ABL2: variants seen among roughly 807,000 people sequenced by gnomAD.
The protein encoded by ABL2 is tyrosine-protein kinase ABL2.
ABL2 carries 49 observed loss-of-function variants against 107.7 expected under a neutral mutation model. The ratio of observed to expected loss-of-function variants is 0.45; its 90% CI spans 0.36 to 0.58. The LOEUF is 0.58. Ranked by LOEUF, ABL2 falls within the 20% of genes least tolerant of loss-of-function variation. The probability of loss-of-function intolerance (pLI) is 0.00; values close to 1 mark genes in which losing one functional copy is unlikely to be tolerated. For synonymous variants in ABL2, 549 were observed against 548.6 expected (o/e 1.00, Z -0.01); for missense variants, 1,245 against 1,457.0 (o/e 0.85, Z 2.37).
chr1:179,201,795 G>T, intron 1 of ABL2: 1 of 953,536 alleles, frequency 1.0e-6, no homozygotes, highest in South Asian at 1.4e-5. Context: ...CGGTTGAGGT[G>T]GACAGTTTGG....
chr1:179,112,737 G>A (rs1654210409), intron 9 of ABL2, among the ~76,000 whole-genome samples: 1 of 150,856 alleles, frequency 6.6e-6, no homozygotes, highest in Non-Finnish European at 1.5e-5. Flanking sequence ...CTATGGGTGT[G>A]CAACACCACG....
In ABL2 at chr1:179,118,680, T is replaced by A; in HGVS notation, c.1130A>T (p.Asn377Ile). ...CACAACTGCAGTCACCTCTTCTCGG[T>A]TGCATTCTCGGAGGTAATCCAGCAA... ...GNLLDYLREC[N>I]REEVTAVVLL... Residue 377 changes from asparagine to isoleucine, a missense_variant, in exon 7 of 12, where the codon AAC becomes ATC. Physicochemically the swap from Asn to Ile is moderately radical, Grantham distance 149. Around this residue, in one of 3 missense-constraint regions of ABL2, gnomAD observed 320 missense variants for 547.0 expected, o/e 0.59. Coordinates refer to ENST00000502732, the MANE Select transcript of ABL2 (RefSeq NM_007314.4). The A allele has an allele frequency of 3.1e-6, 5 of 1,614,108 alleles. No homozygotes were observed. The highest frequency in any genetic ancestry group is 4.2e-6 in the Non-Finnish European group (5 of 1,180,032).
At chr1:179,168,190 T>C (rs1659505081) in intron 1 of ABL2, among the ~76,000 whole-genome samples, 1 of 152,216 alleles carries the variant, frequency 6.6e-6, no homozygotes, top group Non-Finnish European at 1.5e-5. Flanking sequence ...GACATTACAG[T>C]TGTCCCACGG....
chr1:179,168,638 A>C (rs1659533087), intron 1 of ABL2, among the ~76,000 whole-genome samples: 1 of 152,210 alleles, frequency 6.6e-6, no homozygotes, highest in Non-Finnish European at 1.5e-5. Flanking sequence ...TTTTGTGTAC[A>C]GTTCTATGAA....
At chr1:179,140,065 CA>C (rs1450060146) in intron 1 of ABL2, among the ~76,000 whole-genome samples, 1 of 152,164 alleles carries the variant, frequency 6.6e-6, no homozygotes, top group African/African-American at 2.4e-5. Flanking sequence ...AGCCATCTTT[CA>C]GAGCATAAGT....
chr1:179,118,273 A>G (rs1038910625), intron 7 of ABL2, among the ~76,000 whole-genome samples: 2 of 152,110 alleles, frequency 1.3e-5, no homozygotes, highest in African/African-American at 2.4e-5. Flanking sequence ...AGCACTTTGG[A>G]AGGCTAAGAT....
At chr1:179,170,887 G>A (rs188908053) in intron 1 of ABL2, among the ~76,000 whole-genome samples, 87 of 151,974 alleles carry the variant, frequency 5.7e-4, no homozygotes, top group Non-Finnish European at 7.9e-4. Flanking sequence ...GAGCCACTGC[G>A]CTCAGCCTAA....
At chr1:179,183,644 C>G (rs1364472309) in intron 1 of ABL2, 1 of 152,046 alleles carries the variant, frequency 6.6e-6, no homozygotes, top group Non-Finnish European at 1.5e-5. Flanking sequence ...GAGCACTAAA[C>G]CAGAAGCCAG....
At chr1:179,204,939 C>T (rs1661870212) in intron 1 of ABL2, among the ~76,000 whole-genome samples, 1 of 151,912 alleles carries the variant, frequency 6.6e-6, no homozygotes, top group Admixed American at 6.6e-5. Context: ...AGTAGTGTCT[C>T]CAACGAAGGG....
At chr1:179,227,780 C>A in intron 1 of ABL2, among the ~76,000 whole-genome samples, 2 of 152,156 alleles carry the variant, frequency 1.3e-5, no homozygotes, top group East Asian at 3.9e-4. Flanking sequence ...TGGCCAGGCG[C>A]AGTGCCTCAC....
chr1:179,228,203 C>T lies in ABL2; in HGVS notation c.157+1038G>A, dbSNP rs182556951. Among the ~76,000 whole-genome samples, 15 of 151,562 alleles carry T rather than the reference C, an allele frequency of 9.9e-5. No individual in the cohort carries two copies. In the East Asian group the frequency reaches 1.5e-3, roughly 16 times the overall value. ...CACCACCAAAAATACAAAAATTAGCCGGGCGTGGTGGTGCACACCTGCAGT... is the reference window on the plus strand; with the variant it reads ...CACCACCAAAAATACAAAAATTAGCTGGGCGTGGTGGTGCACACCTGCAGT... On this transcript the variant is annotated intron_variant, in intron 1 of 11. Transcript: ENST00000502732.
intron 1 of ABL2, 33 bp downstream of exon 1, chr1:179,229,208 C>CCCCCCCCCCCCCCACA: frequency 6.0e-6 from 9 of 1,488,046 alleles, no homozygotes; most frequent in African/African-American, 1.5e-5. Context: ...CGGCCTCCCC[C>CCCCCCCCCCCCCCACA]ACGCTCTCAT....
intron 1 of ABL2, among the ~76,000 whole-genome samples, chr1:179,203,103 A>AT (rs1166538429): frequency 1.3e-5 from 2 of 152,038 alleles, no homozygotes; most frequent in Admixed American, 6.6e-5. Context: ...TTTTTGCTTG[A>AT]TTTTTTCCCG....
At chr1:179,115,657 A>G (rs960168249) in intron 8 of ABL2, among the ~76,000 whole-genome samples, 1 of 152,234 alleles carries the variant, frequency 6.6e-6, no homozygotes, top group Admixed American at 6.5e-5. Flanking sequence ...GCTTGACACT[A>G]TCCTTGGTTT....
rs1653653095 is a variant in ABL2, at chr1:179,108,273, G to A, written c.2994C>T (p.Ile998=). The A allele has an allele frequency of 6.2e-7, 1 of 1,614,114 alleles. No individual in the cohort carries two copies. The highest frequency in any genetic ancestry group is 8.5e-7 in the Non-Finnish European group (1 of 1,180,016). ...TTGGCTCTTCTGTAGGGTCTGAGCA[G>A]ATGGACGGATGCTGCAGTAGTCTCA... is the stretch of plus-strand genomic sequence containing the variant. ...PVMRLLQHPS[I]CSDPTEEPTA... Residue 998 remains isoleucine, a synonymous_variant, in exon 12 of 12, where the codon ATC becomes ATT. Coordinates refer to ENST00000502732, the MANE Select transcript of ABL2 (RefSeq NM_007314.4).
chr1:179,158,142 T>C (rs945882573), intron 1 of ABL2, among the ~76,000 whole-genome samples: 2 of 152,104 alleles, frequency 1.3e-5, no homozygotes, highest in Admixed American at 6.5e-5. Context: ...CTGAGCCAGA[T>C]TGTGAGGACT....
chr1:179,121,522 G>A, intron 5 of ABL2, 73 bp downstream of exon 5: 1 of 1,544,142 alleles, frequency 6.5e-7, no homozygotes. Context: ...TTAAAGAAGG[G>A]CATGCTGATA....
At chr1:179,204,017 C>CATTTATTT (rs28991601) in intron 1 of ABL2, among the ~76,000 whole-genome samples, 16 of 151,944 alleles carry the variant, frequency 1.1e-4, no homozygotes, top group African/African-American at 3.1e-4. Flanking sequence ...AAAATATTTC[C>CATTTATTT]ATTTATTTAT....
chr1:179,129,700 A>G (rs1240795421), intron 3 of ABL2, among the ~76,000 whole-genome samples: 1 of 151,612 alleles, frequency 6.6e-6, no homozygotes. Flanking sequence ...AAAAAAAAAA[A>G]TTCTTTGATG....
Sources: allele counts gnomAD v4.1 joint callset (sites outside exome capture counted in the v4.1 genomes callset), GRCh38; gene constraint gnomAD v4.1.1; regional missense constraint gnomAD v4.1.1; transcripts MANE v1.5; gene names NCBI Gene and HGNC (gene_info 2026-07-23, HGNC 2026-07-21).